The following CDC42BPA variants were observed in gnomAD, a reference collection of about 807,000 sequenced individuals.
CDC42BPA encodes CDC42 binding protein kinase alpha, also known as serine/threonine-protein kinase MRCK alpha.
In CDC42BPA, 80 loss-of-function variants were observed where a neutral mutation model predicts 223.5. The observed-to-expected ratio is 0.36, with a 90% CI of 0.30 to 0.43. The LOEUF (loss-of-function observed/expected upper bound fraction) is 0.43. Ranked by LOEUF, CDC42BPA falls within the 20% of genes least tolerant of loss-of-function variation. CDC42BPA has a pLI of 1.00. For missense variants in CDC42BPA, 1,743 were observed against 2,099.9 expected (o/e 0.83, Z 3.32); for synonymous variants, 694 against 718.6 (o/e 0.97, Z 0.55).
chr1:227,033,531 A>AT (rs2148685421), intron 26 of CDC42BPA, 116 bp from the exon 27 acceptor site: 5 of 630,078 alleles, frequency 7.9e-6, no homozygotes, highest in Admixed American at 2.8e-5. Flanking sequence ...CCCAAATTTA[A>AT]TTTTTTAAAA....
At chr1:227,273,744 C>A (rs1686383770) in intron 1 of CDC42BPA, among the ~76,000 whole-genome samples, 2 of 151,326 alleles carry the variant, frequency 1.3e-5, no homozygotes, top group African/African-American at 2.4e-5. Context: ...CCTGAACCTC[C>A]ATGAAATGTT....
chr1:227,062,545 T>A (rs897221816), intron 21 of CDC42BPA, among the ~76,000 whole-genome samples: 17 of 152,162 alleles, frequency 1.1e-4, no homozygotes, highest in African/African-American at 3.9e-4. Context: ...GGGCAGGAAA[T>A]ATTACGCTTA....
At chr1:227,073,472 C>A (rs759138286) in intron 19 of CDC42BPA, among the ~76,000 whole-genome samples, 2 of 151,880 alleles carry the variant, frequency 1.3e-5, no homozygotes, top group Admixed American at 6.6e-5. Flanking sequence ...TATAAAAGAC[C>A]TATGGTAGAG....
chr1:227,188,338 A>G (rs55706120), intron 5 of CDC42BPA, among the ~76,000 whole-genome samples: 44,191 of 151,816 alleles, frequency 0.29, 6,518 homozygotes, highest in African/African-American at 0.34. Context: ...GTAAATTTAT[A>G]TTGCAAACTC....
At chr1:227,063,864 A>C (rs2148983904) in intron 21 of CDC42BPA, among the ~76,000 whole-genome samples, 1 of 152,186 alleles carries the variant, frequency 6.6e-6, no homozygotes, top group East Asian at 1.9e-4. Flanking sequence ...GATTTCTGTA[A>C]CTGATTGTAA....
intron 1 of CDC42BPA, among the ~76,000 whole-genome samples, chr1:227,281,266 C>T (rs1001960352): frequency 1.3e-5 from 2 of 152,204 alleles, no homozygotes; most frequent in Non-Finnish European, 2.9e-5. Flanking sequence ...TCTGGTTTTA[C>T]ACAAAACCAG....
At chr1:227,252,156 A>T (rs1008617770) in intron 2 of CDC42BPA, among the ~76,000 whole-genome samples, 3 of 152,100 alleles carry the variant, frequency 2.0e-5, no homozygotes, top group Non-Finnish European at 4.4e-5. Context: ...AGAAAATATT[A>T]TAAAGTGCAG....
intron 2 of CDC42BPA, among the ~76,000 whole-genome samples, chr1:227,252,669 A>G (rs960525802): frequency 1.3e-5 from 2 of 151,994 alleles, no homozygotes; most frequent in Non-Finnish European, 2.9e-5. Context: ...CCGTTGGTAC[A>G]TATAAAGGGG....
intron 1 of CDC42BPA, among the ~76,000 whole-genome samples, chr1:227,303,023 G>C (rs116016048): frequency 1.8e-5 from 2 of 108,534 alleles, no homozygotes; most frequent in African/African-American, 6.8e-5. Context: ...TTTTTTTTTC[G>C]AAGTTATGCT....
At chr1:227,090,927 A>G (rs1682959142) in intron 16 of CDC42BPA, among the ~76,000 whole-genome samples, 1 of 152,244 alleles carries the variant, frequency 6.6e-6, no homozygotes, top group South Asian at 2.1e-4. Context: ...CTAAGTGGGA[A>G]AAAAATTCCT....
intron 23 of CDC42BPA, among the ~76,000 whole-genome samples, chr1:227,041,359 C>CCGA (rs1671341863): frequency 1.3e-5 from 2 of 151,968 alleles, no homozygotes. Context: ...TCCATGGGTA[C>CCGA]CCAATGTTAT....
chr1:227,172,349 G>C (rs1415083891), intron 5 of CDC42BPA, among the ~76,000 whole-genome samples: 1 of 152,140 alleles, frequency 6.6e-6, no homozygotes, highest in East Asian at 1.9e-4. Flanking sequence ...AAAAACTAAT[G>C]ATTCTATAAT....
At chr1:227,015,945 T>C (rs1206981934) in intron 34 of CDC42BPA, 135 bp downstream of exon 34, 3 of 627,094 alleles carry the variant, frequency 4.8e-6, no homozygotes, top group Non-Finnish European at 5.7e-6. Flanking sequence ...ATCTTAGACA[T>C]ATTGTGGTAT....
At chr1:227,296,743 C>T (rs1184421825) in intron 1 of CDC42BPA, among the ~76,000 whole-genome samples, 4 of 140,538 alleles carry the variant, frequency 2.8e-5, no homozygotes, top group African/African-American at 1.1e-4. Context: ...TGGAAAAAAG[C>T]AAAGGGTAAA....
intron 15 of CDC42BPA, among the ~76,000 whole-genome samples, chr1:227,092,776 C>T (rs1287645265): frequency 6.6e-6 from 1 of 152,224 alleles, no homozygotes; most frequent in East Asian, 1.9e-4. Flanking sequence ...ACTCTTAACC[C>T]AGATTCCCCA....
At chr1:227,203,361 T>C (rs1672119674) in intron 3 of CDC42BPA, among the ~76,000 whole-genome samples, 1 of 152,154 alleles carries the variant, frequency 6.6e-6, no homozygotes, top group Non-Finnish European at 1.5e-5. Context: ...CTAAATATTC[T>C]ACAATGCACA....
At chr1:227,020,460 C>CTTGTA in intron 32 of CDC42BPA, among the ~76,000 whole-genome samples, 1 of 152,344 alleles carries the variant, frequency 6.6e-6, no homozygotes, top group Non-Finnish European at 1.5e-5. Context: ...AATTGCTGAG[C>CTTGTA]TTGTACATCA....
intron 1 of CDC42BPA, among the ~76,000 whole-genome samples, chr1:227,268,171 T>A (rs899717147): frequency 1.3e-5 from 2 of 152,184 alleles, no homozygotes; most frequent in African/African-American, 4.8e-5. Context: ...AAATGCAGAA[T>A]AATCATGAAA....
chr1:227,022,084 T>C (rs9659907), intron 32 of CDC42BPA, among the ~76,000 whole-genome samples: 48,425 of 151,882 alleles, frequency 0.32, 7,980 homozygotes, highest in East Asian at 0.5. Context: ...TCTAAACATT[T>C]TAATGTGTTT....
Sources: allele counts gnomAD v4.1 joint callset (sites outside exome capture counted in the v4.1 genomes callset), GRCh38; gene constraint gnomAD v4.1.1; transcripts MANE v1.5; gene names NCBI Gene and HGNC (gene_info 2026-07-23, HGNC 2026-07-21).